TMEM87B: variants seen among roughly 807,000 people sequenced by gnomAD.
TMEM87B encodes the protein transmembrane protein 87B.
In TMEM87B, 83 loss-of-function variants were observed where a neutral mutation model predicts 80.3. That is an observed-to-expected ratio of 1.03 (90% CI 0.87 to 1.24). The LOEUF is 1.24. TMEM87B is among the 50% of genes most tolerant of loss of function. TMEM87B has a pLI of 0.00. For missense variants in TMEM87B, 625 were observed against 674.4 expected, an observed-to-expected ratio of 0.93 and a Z score of 0.81; for synonymous variants, 219 against 230.5, an observed-to-expected ratio of 0.95 and a Z score of 0.45.
At chr2:112,068,807 C>A (rs1678522096) in intron 4 of TMEM87B, among the ~76,000 whole-genome samples, 1 of 152,192 alleles carries the variant, frequency 6.6e-6, no homozygotes, top group Non-Finnish European at 1.5e-5. Flanking sequence ...ACTTTCCCTG[C>A]CAATGGCAAC....
chr2:112,058,504 G>A (rs1161292990), intron 1 of TMEM87B, among the ~76,000 whole-genome samples: 2 of 152,074 alleles, frequency 1.3e-5, no homozygotes, highest in African/African-American at 2.4e-5. Context: ...GCCACAGCTC[G>A]TTTTTTTAAG....
At chr2:112,064,481 C>T (rs1678354730) in intron 3 of TMEM87B, among the ~76,000 whole-genome samples, 1 of 152,124 alleles carries the variant, frequency 6.6e-6, no homozygotes, top group Non-Finnish European at 1.5e-5. Context: ...TAAATTCAGG[C>T]ACGTAGGAGT....
chr2:112,055,353 G>A lies in TMEM87B; in HGVS notation c.-239G>A, dbSNP rs937045948. On this transcript the variant is annotated 5_prime_UTR_variant, in exon 1 of 19. Coordinates refer to ENST00000283206, the MANE Select transcript of TMEM87B (RefSeq NM_032824.3). Reference sequence around the variant, plus strand: ...TCCTGGCTCCTATCTCTGCCTTCCAGGCATCTCCCAGCTGCACGCTCGGGC... The same window carrying A: ...TCCTGGCTCCTATCTCTGCCTTCCAAGCATCTCCCAGCTGCACGCTCGGGC... The A allele has an allele frequency of 3.9e-6, 2 of 511,554 alleles. No homozygotes were observed. The highest frequency in any genetic ancestry group is 2.0e-5 in the African/African-American group (1 of 49,182). The allele number at this position is 511,554 out of a possible 1,614,324, so 31.7% of individuals were successfully genotyped here.
intron 4 of TMEM87B, among the ~76,000 whole-genome samples, chr2:112,070,997 A>T (rs1678609277): frequency 6.9e-6 from 1 of 145,854 alleles, no homozygotes; most frequent in Non-Finnish European, 1.5e-5. Context: ...AATTTTTTGT[A>T]TTTTTTTTTA....
intron 11 of TMEM87B, chr2:112,095,151 TC>T: frequency 1.1e-6 from 1 of 940,488 alleles, no homozygotes; most frequent in Non-Finnish European, 1.3e-6. Context: ...GTTTCTCTTT[TC>T]TTTTCTTTCT....
chr2:112,077,117 G>T, intron 5 of TMEM87B, 75 bp from the exon 6 acceptor site: 1 of 631,122 alleles, frequency 1.6e-6, no homozygotes, highest in South Asian at 3.1e-5. Context: ...TTTAAAATAT[G>T]GCAAACAGTT....
chr2:112,077,958 G>A (rs1385412067), intron 6 of TMEM87B, among the ~76,000 whole-genome samples: 3 of 152,230 alleles, frequency 2.0e-5, no homozygotes, highest in Non-Finnish European at 4.4e-5. Flanking sequence ...TGAGGGCCCT[G>A]GGGATTTGAT....
chr2:112,077,475 T>C (rs1458821044), intron 6 of TMEM87B, among the ~76,000 whole-genome samples, 193 bp downstream of exon 6: 1 of 152,228 alleles, frequency 6.6e-6, no homozygotes, highest in Non-Finnish European at 1.5e-5. Flanking sequence ...TTTAATTGAT[T>C]TAAAATTTTA....
chr2:112,067,687 A>G (rs1224877623), intron 4 of TMEM87B, among the ~76,000 whole-genome samples: 5 of 152,108 alleles, frequency 3.3e-5, no homozygotes, highest in Non-Finnish European at 7.4e-5. Context: ...TATATCTGCT[A>G]CCTCCAATTT....
chr2:112,102,905 G>A (rs75174176), intron 15 of TMEM87B, among the ~76,000 whole-genome samples: 1,968 of 152,256 alleles, frequency 0.013, 17 homozygotes, highest in Middle Eastern at 0.034. Flanking sequence ...GCAAGGGTAT[G>A]TACATACCAC....
At chr2:112,062,239 G>A (rs1678280894) in intron 2 of TMEM87B, among the ~76,000 whole-genome samples, 1 of 152,238 alleles carries the variant, frequency 6.6e-6, no homozygotes, top group South Asian at 2.1e-4. Flanking sequence ...TTGGATATAT[G>A]TCGATGCTGT....
intron 2 of TMEM87B, among the ~76,000 whole-genome samples, 200 bp downstream of exon 2, chr2:112,060,237 T>C (rs2104452897): frequency 6.6e-6 from 1 of 152,048 alleles, no homozygotes; most frequent in South Asian, 2.1e-4. Flanking sequence ...TAGTCCCAGC[T>C]ACTTGGGAGG....
chr2:112,060,148 C>T (rs904815605), intron 2 of TMEM87B, 111 bp downstream of exon 2: 18 of 1,222,180 alleles, frequency 1.5e-5, no homozygotes, highest in South Asian at 4.1e-5. Context: ...GAGTTCAGGA[C>T]GAGCCTGGCC....
rs1257379002 is a variant in TMEM87B, at chr2:112,116,094, C to T, written c.1619C>T (p.Thr540Ile). 2.5e-6 allele frequency: 4 copies of T among 1,611,374 alleles called. No homozygotes were observed. The highest frequency in any genetic ancestry group is 8.5e-7 in the Non-Finnish European group (1 of 1,179,078). Residue 540 changes from threonine to isoleucine, a missense_variant, in exon 19 of 19, where the codon ACC (threonine) becomes ATC (isoleucine). By Grantham distance (89) the Thr-to-Ile change is moderately conservative. Coordinates refer to ENST00000283206, the MANE Select transcript of TMEM87B (RefSeq NM_032824.3). ...TTTTTTTTTCTTCAGGAAATCATGA[C>T]CAGATCTGAAATGGCTGAAAAAATG... ...VLVDSDEEIM[T>I]RSEMAEKMFS...
chr2:112,110,763 A>C (rs749583717), intron 17 of TMEM87B, among the ~76,000 whole-genome samples: 1 of 150,658 alleles, frequency 6.6e-6, no homozygotes, highest in Admixed American at 6.6e-5. Context: ...TCTTCTTTTT[A>C]TTTACTACAC....
intron 1 of TMEM87B, 72 bp downstream of exon 1, chr2:112,055,828 C>T (rs1374139355): frequency 1.4e-6 from 2 of 1,425,644 alleles, no homozygotes; most frequent in African/African-American, 3.0e-5. Flanking sequence ...TTCGCTTGAC[C>T]CCGGGCTTGT....
At chr2:112,071,384 C>G (rs1678631252) in intron 4 of TMEM87B, among the ~76,000 whole-genome samples, 1 of 150,576 alleles carries the variant, frequency 6.6e-6, no homozygotes, top group African/African-American at 2.4e-5. Flanking sequence ...TCACTGCAAC[C>G]TCCGCCTCCT....
intron 6 of TMEM87B, among the ~76,000 whole-genome samples, chr2:112,078,624 T>C (rs1028301758): frequency 6.6e-6 from 1 of 152,244 alleles, no homozygotes; most frequent in Non-Finnish European, 1.5e-5. Context: ...AGAACTAGGC[T>C]TGTGCCCACT....
intron 4 of TMEM87B, 45 bp downstream of exon 4, chr2:112,067,112 G>T: frequency 6.3e-7 from 1 of 1,594,344 alleles, no homozygotes; most frequent in South Asian, 1.2e-5. Context: ...TATTCCCAGT[G>T]AATACAAGTA....
Sources: gnomAD v4.1 joint callset for allele counts (sites outside exome capture counted in the v4.1 genomes callset) on GRCh38, gnomAD v4.1.1 for gene constraint, MANE v1.5 for transcripts, NCBI Gene and HGNC (gene_info 2026-07-23, HGNC 2026-07-21) for gene names.